The following CLCC1 variants were observed in gnomAD, a reference collection of about 807,000 sequenced individuals.
The protein encoded by CLCC1 is chloride channel CLIC-like protein 1.
CLCC1 carries 39 observed loss-of-function variants against 63.3 expected under a neutral mutation model. The observed-to-expected ratio is 0.62, with a 90% CI of 0.48 to 0.81. The LOEUF (loss-of-function observed/expected upper bound fraction) is 0.81, where lower values mean the gene tolerates loss of function less well. Among genes scored for constraint, CLCC1 ranks in the 30% least tolerant of loss-of-function variants. The probability of loss-of-function intolerance (pLI) is 0.00; values close to 1 mark genes in which losing one functional copy is unlikely to be tolerated. For missense variants in CLCC1, 549 were observed against 669.4 expected (o/e 0.82, Z 1.98); for synonymous variants, 217 against 239.8 (o/e 0.90, Z 0.88).
intron 10 of CLCC1, among the ~76,000 whole-genome samples, chr1:108,938,379 T>C (rs116247606): frequency 3.3e-3 from 498 of 152,276 alleles, no homozygotes; most frequent in African/African-American, 0.011. Flanking sequence ...GAGACTAAAC[T>C]ATGACTATAG....
At chr1:108,952,866 C>A (rs1655393258) in intron 2 of CLCC1, among the ~76,000 whole-genome samples, 1 of 151,738 alleles carries the variant, frequency 6.6e-6, no homozygotes, top group African/African-American at 2.4e-5. Context: ...AACTTCAAAA[C>A]CATTCAGAGA....
intron 2 of CLCC1, among the ~76,000 whole-genome samples, chr1:108,951,291 T>G (rs548241146): frequency 6.6e-6 from 1 of 151,988 alleles, no homozygotes; most frequent in Non-Finnish European, 1.5e-5. Flanking sequence ...CTGAGGCAGG[T>G]GGATCGCTTG....
In CLCC1 at chr1:108,963,432, T is replaced by C. The variant is rs1255914159; in HGVS notation, c.-244A>G. The C allele has an allele frequency of 1.4e-6, 1 of 702,438 alleles. No homozygotes were observed. The highest frequency in any genetic ancestry group is 2.6e-6 in the Non-Finnish European group (1 of 384,886). 43.5% of individuals were successfully genotyped at this position (702,438 alleles called of 1,614,324 possible). A position where few individuals can be genotyped will look rare whatever the true frequency, so the allele number is the denominator to read the frequency against. On this transcript the variant is annotated 5_prime_UTR_variant, in exon 1 of 13. Transcript: ENST00000369969. ...CGGCCGCAGAAGAGGTCGCACAGCT[T>C]GCCGCCGCCCAGGGTTTCAGCGTGC...
intron 8 of CLCC1, among the ~76,000 whole-genome samples, chr1:108,940,603 C>CTT (rs1653719334): frequency 6.6e-6 from 1 of 152,100 alleles, no homozygotes; most frequent in Non-Finnish European, 1.5e-5. Flanking sequence ...TGTGTGAATC[C>CTT]ACAATTACCT....
chr1:108,952,782 AGAGT>A (rs1655379689), intron 2 of CLCC1, among the ~76,000 whole-genome samples: 2 of 151,552 alleles, frequency 1.3e-5, no homozygotes, highest in African/African-American at 2.4e-5. Context: ...CCTGGGTGAC[AGAGT>A]GAGACTCTGC....
chr1:108,949,768 G>C (rs1406839515), intron 4 of CLCC1, 52 bp downstream of exon 4: 1 of 921,286 alleles, frequency 1.1e-6, no homozygotes, highest in African/African-American at 1.7e-5. Flanking sequence ...CAAGAATATA[G>C]AGCGATTTAA....
At chr1:108,939,863 G>T in intron 9 of CLCC1, 81 bp from the exon 10 acceptor site, 1 of 1,429,916 alleles carries the variant, frequency 7.0e-7, no homozygotes, top group Non-Finnish European at 9.5e-7. Context: ...GAGTACTGAT[G>T]CTGAAAGTAT....
chr1:108,963,366 G>A lies in CLCC1; in HGVS notation c.-178C>T, dbSNP rs1347037463. The A allele has an allele frequency of 1.4e-6, 1 of 702,382 alleles. No individual in the cohort carries two copies. Among genetic ancestry groups the A allele is most frequent in the African/African-American group, 1.7e-5 (1 of 57,394 alleles). The allele number at this position is 702,382 out of a possible 1,614,324, so 43.5% of individuals were successfully genotyped here. On this transcript the variant is annotated 5_prime_UTR_variant, in exon 1 of 13. Coordinates refer to ENST00000369969, the MANE Select transcript of CLCC1 (RefSeq NM_001377458.1). ...ACCCAACTGCACGGACTCACGTCCGGGATCCCCTGCCTGCCTCTCGAGGAA... is the reference window on the plus strand; with the variant it reads ...ACCCAACTGCACGGACTCACGTCCGAGATCCCCTGCCTGCCTCTCGAGGAA...
intron 11 of CLCC1, among the ~76,000 whole-genome samples, 178 bp downstream of exon 11, chr1:108,936,899 T>A (rs1417563289): frequency 2.0e-5 from 3 of 152,226 alleles, no homozygotes; most frequent in African/African-American, 7.2e-5. Context: ...AATCTAATTT[T>A]ATTTCTTCTG....
Position 108,943,827 on chromosome 1 carries a change from C to A in CLCC1, c.561+9G>T. 1 of 1,595,148 alleles carries A rather than the reference C, an allele frequency of 6.3e-7. No individual in the cohort carries two copies. The highest frequency in any genetic ancestry group is 1.1e-5 in the South Asian group (1 of 89,316). ...TAATGACGTTGCCCTTGCCCTCATC[C>A]CATCTTACCATTAACACATTATATG... On this transcript the variant is annotated intron_variant, in intron 6 of 12. Transcript: ENST00000369969.
chr1:108,931,558 GA>G lies in CLCC1; in HGVS notation c.*988del. On this transcript the variant is annotated 3_prime_UTR_variant, in exon 13 of 13. Coordinates refer to ENST00000369969, the MANE Select transcript of CLCC1 (RefSeq NM_001377458.1). ...TTCAGGTGATTTGGATGGGCAAATA[GA>G]ACTATTTCTCTAATGGCCAATGTTT... is the stretch of plus-strand genomic sequence containing the variant. 6.9e-7 allele frequency: 1 copy of G among 1,449,862 alleles called. No individual in the cohort carries two copies. Among genetic ancestry groups the G allele is most frequent in the South Asian group, 1.4e-5 (1 of 71,522 alleles). The allele number at this position is 1,449,862 out of a possible 1,614,324, so 89.8% of individuals were successfully genotyped here. A position where few individuals can be genotyped will look rare whatever the true frequency, so the allele number is the denominator to read the frequency against.
chr1:108,943,958 TC>T lies in CLCC1; in HGVS notation c.438del (p.Trp146Ter), dbSNP rs778231441. 6.2e-6 allele frequency: 10 copies of T among 1,613,440 alleles called. No individual in the cohort carries two copies. Among genetic ancestry groups the T allele is most frequent in the Non-Finnish European group, 6.8e-6 (8 of 1,179,600 alleles). On this transcript the variant is annotated frameshift_variant, in exon 6 of 13. Coordinates refer to ENST00000369969, the MANE Select transcript of CLCC1 (RefSeq NM_001377458.1). LOFTEE classifies it high-confidence loss of function. ...EIQKFLNGED[W>X]KPGALDDALS... Reference sequence around the variant, plus strand: ...AGTGCATCATCCAAGGCACCTGGTTTCCAGTCTTCTCCATTGAGAAACTTCT... The same window carrying T: ...AGTGCATCATCCAAGGCACCTGGTTTCAGTCTTCTCCATTGAGAAACTTCT...
At chr1:108,940,492 A>G (rs1653701506) in intron 8 of CLCC1, among the ~76,000 whole-genome samples, 2 of 152,204 alleles carry the variant, frequency 1.3e-5, no homozygotes, top group African/African-American at 2.4e-5. Context: ...ATCAAAGTCA[A>G]TATCCTGGCT....
At chr1:108,946,309 C>CAAA (rs10655080) in intron 5 of CLCC1, among the ~76,000 whole-genome samples, 55,405 of 133,112 alleles carry the variant, frequency 0.42, 11,213 homozygotes, top group African/African-American at 0.52. Context: ...GACTCTGTCT[C>CAAA]AAAAAAAAAA....
intron 1 of CLCC1, 149 bp downstream of exon 1, chr1:108,963,212 C>T: frequency 6.5e-6 from 3 of 459,328 alleles, no homozygotes; most frequent in Middle Eastern, 5.7e-4. Context: ...CAGGCCGCAG[C>T]GGACGCACGC....
In CLCC1 at chr1:108,929,940, G is replaced by C; in HGVS notation, c.*2607C>G. 2 of 1,612,550 alleles carry C rather than the reference G, an allele frequency of 1.2e-6. No individual in the cohort carries two copies. The highest frequency in any genetic ancestry group is 8.5e-7 in the Non-Finnish European group (1 of 1,178,812). On this transcript the variant is annotated 3_prime_UTR_variant, in exon 13 of 13. Transcript: ENST00000369969. ...CAGGGAAAAAATCGGCAGACCATTAGTTACTATGGATTTATTTTTTTTCCT... is the reference window on the plus strand; with the variant it reads ...CAGGGAAAAAATCGGCAGACCATTACTTACTATGGATTTATTTTTTTTCCT...
chr1:108,952,471 C>T (rs978491042), intron 2 of CLCC1, among the ~76,000 whole-genome samples: 1 of 152,106 alleles, frequency 6.6e-6, no homozygotes, highest in Non-Finnish European at 1.5e-5. Context: ...GCGCTTGGCC[C>T]CCCCTGTTTT....
intron 2 of CLCC1, among the ~76,000 whole-genome samples, chr1:108,955,378 CTT>C (rs1202078839): frequency 6.6e-6 from 1 of 151,502 alleles, no homozygotes; most frequent in African/African-American, 2.5e-5. Flanking sequence ...GTCACAAATG[CTT>C]TGTTACTCTC....
rs1043923614 is a variant in CLCC1, at chr1:108,930,114, C to T, written c.*2433G>A. 9.4e-6 allele frequency: 6 copies of T among 636,334 alleles called. No individual in the cohort carries two copies. Among genetic ancestry groups the T allele is most frequent in the Admixed American group, 5.9e-5 (2 of 33,714 alleles). 39.4% of individuals were successfully genotyped at this position (636,334 alleles called of 1,614,324 possible). A position where few individuals can be genotyped will look rare whatever the true frequency, so the allele number is the denominator to read the frequency against. On this transcript the variant is annotated 3_prime_UTR_variant, in exon 13 of 13. Coordinates refer to ENST00000369969, the MANE Select transcript of CLCC1 (RefSeq NM_001377458.1). ...GCATTAATACTTCTCTGGACATGCGCGTTTGAGGGTGGAGGGGTCCTGTAA... is the reference window on the plus strand; with the variant it reads ...GCATTAATACTTCTCTGGACATGCGTGTTTGAGGGTGGAGGGGTCCTGTAA...
Sources: allele counts gnomAD v4.1 joint callset (sites outside exome capture counted in the v4.1 genomes callset), GRCh38; gene constraint gnomAD v4.1.1; transcripts MANE v1.5; gene names NCBI Gene and HGNC (gene_info 2026-07-23, HGNC 2026-07-21).